The following RBFOX1 variants were observed in gnomAD, a reference collection of about 807,000 sequenced individuals.
RBFOX1 encodes RNA binding fox-1 homolog 1, also known as RNA binding protein fox-1 homolog 1.
RBFOX1 carries 8 observed loss-of-function variants against 57.7 expected under a neutral mutation model. The observed-to-expected ratio is 0.14, with a 90% CI of 0.08 to 0.25. The LOEUF is 0.25. Ranked by LOEUF, RBFOX1 falls within the 10% of genes least tolerant of loss-of-function variation. RBFOX1 has a pLI of 1.00. For synonymous variants in RBFOX1, 326 were observed against 222.4 expected (o/e 1.47, Z -4.15); for missense variants, 611 against 548.5 (o/e 1.11, Z -1.14).
At chr16:7,011,801 G>A (rs558893365) in intron 3 of RBFOX1, among the ~76,000 whole-genome samples, 4 of 152,210 alleles carry the variant, frequency 2.6e-5, no homozygotes, top group South Asian at 2.1e-4. Context: ...GGCGTGAGCC[G>A]CCGCACCGTG....
chr16:7,129,746 C>T (rs1319243582), intron 4 of RBFOX1, among the ~76,000 whole-genome samples: 5 of 148,420 alleles, frequency 3.4e-5, no homozygotes, highest in Admixed American at 2.1e-4. Flanking sequence ...TTTTAAAGTA[C>T]CAGGAGACAC....
intron 1 of RBFOX1, among the ~76,000 whole-genome samples, chr16:5,318,723 G>T (rs548828261): frequency 3.9e-5 from 6 of 152,102 alleles, no homozygotes; most frequent in Non-Finnish European, 8.8e-5. Context: ...TTATCCAAAC[G>T]GTAACTTAGG....
chr16:5,411,849 C>G (rs1319635320), intron 1 of RBFOX1, among the ~76,000 whole-genome samples: 1 of 152,202 alleles, frequency 6.6e-6, no homozygotes, highest in Non-Finnish European at 1.5e-5. Flanking sequence ...CACCACTGCA[C>G]TCCAGCCTGG....
chr16:7,069,820 A>T (rs573632747), intron 4 of RBFOX1, among the ~76,000 whole-genome samples: 1 of 152,252 alleles, frequency 6.6e-6, no homozygotes, highest in Admixed American at 6.5e-5. Flanking sequence ...CCTCCTATCC[A>T]TGTCTCAATT....
chr16:7,464,513 C>T (rs1319850255), intron 4 of RBFOX1, among the ~76,000 whole-genome samples: 2 of 151,898 alleles, frequency 1.3e-5, no homozygotes, highest in Admixed American at 6.6e-5. Context: ...CCTATTGGAC[C>T]TCTTTTCTAG....
At chr16:5,982,002 G>A (rs1225568857) in intron 4 of RBFOX1, among the ~76,000 whole-genome samples, 1 of 152,188 alleles carries the variant, frequency 6.6e-6, no homozygotes, top group Non-Finnish European at 1.5e-5. Flanking sequence ...GGGTGTTTCT[G>A]TTATCCAAGG....
chr16:6,613,739 C>T (rs774351965), intron 2 of RBFOX1, among the ~76,000 whole-genome samples: 4 of 152,174 alleles, frequency 2.6e-5, no homozygotes, highest in Admixed American at 6.5e-5. Context: ...GCGTTTGAGA[C>T]CGGCCTGGCC....
chr16:5,432,888 T>A (rs944972237), intron 1 of RBFOX1, among the ~76,000 whole-genome samples: 4 of 152,062 alleles, frequency 2.6e-5, no homozygotes, highest in African/African-American at 9.7e-5. Context: ...CAGGTTCAGG[T>A]GATCCTCCCA....
At position 5,953,326 on chromosome 16, in the gene RBFOX1, T is replaced by TA. The variant is rs573931370; in HGVS notation, c.351+85998dup. ...TGTAAATATTGCATGGGCATACTTT[T>TA]AAAAAAATTATTTCCATAGGTTATT... On this transcript the variant is annotated intron_variant, in intron 4 of 19. Transcript: ENST00000641259. Among the ~76,000 whole-genome samples, 16 of 152,308 alleles carry TA rather than the reference T, an allele frequency of 1.1e-4. No homozygotes were observed. The East Asian group carries it at 2.9e-3, about 28-fold the overall frequency.
intron 2 of RBFOX1, among the ~76,000 whole-genome samples, chr16:6,497,801 C>G (rs1174558804): frequency 6.6e-6 from 1 of 152,044 alleles, no homozygotes; most frequent in African/African-American, 2.4e-5. Context: ...AAGTGATCCA[C>G]CCATCTCAGC....
At chr16:6,834,832 T>G (rs2092967738) in intron 3 of RBFOX1, among the ~76,000 whole-genome samples, 1 of 152,102 alleles carries the variant, frequency 6.6e-6, no homozygotes, top group African/African-American at 2.4e-5. Flanking sequence ...GTTTGTGACT[T>G]TGTCCATCTG....
Position 6,996,490 on chromosome 16 carries a change from C to G in RBFOX1, c.-15-55567C>G, listed in dbSNP as rs537342508. On this transcript the variant is annotated intron_variant, in intron 3 of 15. Coordinates refer to ENST00000550418, the MANE Select transcript of RBFOX1 (RefSeq NM_018723.4). ...ATATATCCATCCTCCTATCTGGACA[C>G]GCATATTTGTTACTTGAAAATAAGT... Among the ~76,000 whole-genome samples the G allele has an allele frequency of 3.3e-5, 5 of 152,242 alleles. No individual in the cohort carries two copies. In the South Asian group the frequency reaches 1.0e-3, roughly 32 times the overall value.
intron 2 of RBFOX1, among the ~76,000 whole-genome samples, chr16:6,645,780 C>A (rs1365140748): frequency 1.3e-5 from 2 of 152,160 alleles, no homozygotes; most frequent in Non-Finnish European, 2.9e-5. Context: ...TTGCCATATG[C>A]TAAGACCCTG....
At chr16:6,491,194 ATAAACTATATATAGATATATAGT>A (rs570052400) in intron 2 of RBFOX1, among the ~76,000 whole-genome samples, 180 of 151,974 alleles carry the variant, frequency 1.2e-3, no homozygotes, top group African/African-American at 4.2e-3. Flanking sequence ...ATATGTACAT[ATAAACTATATATAGATATATAGT>A]TAAACTATAT....
chr16:7,626,416 C>G (rs578163018), intron 10 of RBFOX1, among the ~76,000 whole-genome samples: 11 of 152,314 alleles, frequency 7.2e-5, no homozygotes, highest in African/African-American at 2.6e-4. Flanking sequence ...CAAAATCCTG[C>G]TGGAGAGTGG....
intron 4 of RBFOX1, among the ~76,000 whole-genome samples, chr16:7,224,863 T>C (rs1471889428): frequency 2.0e-5 from 3 of 152,158 alleles, no homozygotes; most frequent in African/African-American, 4.8e-5. Context: ...TGGATCAGAA[T>C]GTGCACTTTA....
chr16:5,785,344 C>G lies in RBFOX1; in HGVS notation c.319-81959C>G, dbSNP rs965643666. The stretch of plus-strand genomic sequence containing the variant: ...AGAGGTGGAGCTGGCTCAAAACTAT[C>G]CAATTCTGAGCTTCTGCATCCCTTC... On this transcript the variant is annotated intron_variant, in intron 3 of 19. Transcript: ENST00000641259. 3.3e-5 allele frequency among the ~76,000 whole-genome samples: 5 copies of G among 152,094 alleles called. No individual in the cohort carries two copies. In the South Asian group the frequency reaches 6.2e-4, roughly 19 times the overall value.
At chr16:6,419,552 G>A in intron 2 of RBFOX1, among the ~76,000 whole-genome samples, 1 of 152,170 alleles carries the variant, frequency 6.6e-6, no homozygotes, top group South Asian at 2.1e-4. Context: ...CTAAGCAGTG[G>A]AGGCAGAGGA....
At chr16:7,430,867 A>C (rs12599698) in intron 4 of RBFOX1, among the ~76,000 whole-genome samples, 56,039 of 152,086 alleles carry the variant, frequency 0.37, 12,701 homozygotes, top group African/African-American at 0.61. Context: ...GGTTATCATG[A>C]ATATTAAATA....
Sources: allele counts gnomAD v4.1 joint callset (sites outside exome capture counted in the v4.1 genomes callset), GRCh38; gene constraint gnomAD v4.1.1; transcripts MANE v1.5; gene names NCBI Gene and HGNC (gene_info 2026-07-23, HGNC 2026-07-21).